GPR17: variants seen among roughly 807,000 people sequenced by gnomAD.
GPR17 encodes the protein G protein-coupled receptor 17.
Under a neutral mutation model 1.5 loss-of-function variants are expected in GPR17, and 4 were observed. The ratio of observed to expected loss-of-function variants is 2.73; its 90% CI spans 1.35 to 6.25. The LOEUF is 6.25. Ranked by LOEUF, GPR17 falls within the 30% of genes most tolerant of loss-of-function variation. The probability of loss-of-function intolerance (pLI) is 0.00; values close to 1 mark genes in which losing one functional copy is unlikely to be tolerated. For missense variants in GPR17, 463 were observed against 462.1 expected, an observed-to-expected ratio of 1.00 and a Z score of -0.02; for synonymous variants, 209 against 207.6, an observed-to-expected ratio of 1.01 and a Z score of -0.06.
In GPR17 at chr2:127,652,062, C is replaced by G; in HGVS notation, c.*307C>G. On this transcript the variant is annotated 3_prime_UTR_variant, in exon 2 of 2. Transcript: ENST00000486700. ...CCTGAACAATGGAGGCCTTTCTTTC[C>G]CGCTAGGCTCCCAGCCTCCTTCCCG... 2.6e-6 allele frequency: 1 copy of G among 378,190 alleles called. No individual in the cohort carries two copies. The highest frequency in any genetic ancestry group is 2.0e-5 in the African/African-American group (1 of 49,482). 23.4% of individuals were successfully genotyped at this position (378,190 alleles called of 1,614,324 possible).
rs148177510 is a variant in GPR17, at chr2:127,650,958, G to A, written c.223G>A (p.Val75Met). 3.5e-4 allele frequency: 560 copies of A among 1,613,886 alleles called. 1 individual carries two copies. Among genetic ancestry groups the A allele is most frequent in the East Asian group, 4.5e-4 (20 of 44,884 alleles). The stretch of plus-strand genomic sequence containing the variant: ...CAACGTGTTCCTGATGCATCTGGCC[G>A]TGGCCGACTTGTCGTGCGTGCTGGT... ...PANVFLMHLA[V>M]ADLSCVLVLP... Residue 75 changes from valine (V) to methionine (M), a missense_variant, in exon 2 of 2, where the codon GTG becomes ATG. Transcript: ENST00000486700.
intron 1 of GPR17, among the ~76,000 whole-genome samples, chr2:127,648,963 AGGG>A (rs1216405916): frequency 3.2e-4 from 4 of 12,514 alleles, no homozygotes; most frequent in Non-Finnish European, 4.3e-4. Context: ...AGGGGAGGGG[AGGG>A]GGGGAGGGGA....
At chr2:127,650,307 C>T in intron 1 of GPR17, 2 of 572,152 alleles carry the variant, frequency 3.5e-6, no homozygotes, top group Non-Finnish European at 6.2e-6. Context: ...CGGAGACACA[C>T]TGCCCCCGCC....
rs542278647 is a variant in GPR17 at position 127,647,728 on chromosome 2, C to T, written c.-21+1484C>T. Among the ~76,000 whole-genome samples, 5 of 152,200 alleles carry T rather than the reference C, an allele frequency of 3.3e-5. No homozygotes were observed. In the East Asian group the frequency reaches 9.7e-4, roughly 30 times the overall value. On this transcript the variant is annotated intron_variant, in intron 1 of 1. Transcript: ENST00000486700. The surrounding 1 kb of genome is among the most constrained non-coding windows in gnomAD (Gnocchi z 4.3). Reference sequence around the variant, plus strand: ...TCCTGCCAACCTGAAAACAGCACACCTGTGTGCCCCTCCCATCTACCATGG... The same window carrying T: ...TCCTGCCAACCTGAAAACAGCACACTTGTGTGCCCCTCCCATCTACCATGG...
At chr2:127,649,151 G>A (rs951919651) in intron 1 of GPR17, among the ~76,000 whole-genome samples, 34 of 143,670 alleles carry the variant, frequency 2.4e-4, no homozygotes, top group African/African-American at 8.4e-4. Flanking sequence ...AGCGAAGTGA[G>A]AGAGAGAGGA....
intron 1 of GPR17, chr2:127,650,133 G>A: frequency 6.7e-7 from 1 of 1,492,678 alleles, no homozygotes. Flanking sequence ...TGCCATCCTG[G>A]GGGCACCCTC....
Position 127,651,846 on chromosome 2 carries a change from G to A in GPR17, c.*91G>A. ...TGCCCTTTCCCCAGCCACCTCCCCA[G>A]CAAGCAACCTGAAATCTCAGCAGAT... On this transcript the variant is annotated 3_prime_UTR_variant, in exon 2 of 2. Coordinates refer to ENST00000486700, the MANE Select transcript of GPR17 (RefSeq NM_001161417.2). 1.7e-6 allele frequency: 2 copies of A among 1,209,338 alleles called. No individual in the cohort carries two copies. Among genetic ancestry groups the A allele is most frequent in the South Asian group, 2.9e-5 (2 of 69,296 alleles). 74.9% of individuals were successfully genotyped at this position (1,209,338 alleles called of 1,614,324 possible). A position where few individuals can be genotyped will look rare whatever the true frequency, so the allele number is the denominator to read the frequency against.
In GPR17 at chr2:127,650,932, C is replaced by T. The variant is rs575567390; in HGVS notation, c.197C>T (p.Ala66Val). Residue 66 changes from alanine to valine, a missense_variant, in exon 2 of 2, where the codon GCC (alanine) becomes GTC (valine). By Grantham distance (64) the Ala-to-Val change is moderately conservative (BLOSUM62 0). Transcript: ENST00000486700. ...CGAGACCACAAGTCCGGGACCCCGG[C>T]CAACGTGTTCCTGATGCATCTGGCC... ...FIRDHKSGTP[A>V]NVFLMHLAVA... 3.1e-6 allele frequency: 5 copies of T among 1,614,036 alleles called. No homozygotes were observed. Among genetic ancestry groups the T allele is most frequent in the South Asian group, 2.2e-5 (2 of 91,090 alleles).
intron 1 of GPR17, among the ~76,000 whole-genome samples, chr2:127,649,238 T>C (rs1001419979): frequency 7.1e-5 from 9 of 126,378 alleles, no homozygotes; most frequent in African/African-American, 2.1e-4. Flanking sequence ...CAGAGTGAAT[T>C]TGCTGCAGGC....
In GPR17 at chr2:127,647,918, C is replaced by A; in HGVS notation, c.-21+1674C>A. 2 of 672,122 alleles carry A rather than the reference C, an allele frequency of 3.0e-6. No homozygotes were observed. The highest frequency in any genetic ancestry group is 3.7e-6 in the Non-Finnish European group (2 of 543,080). The allele number at this position is 672,122 out of a possible 1,614,324, so 41.6% of individuals were successfully genotyped here. A position where few individuals can be genotyped will look rare whatever the true frequency, so the allele number is the denominator to read the frequency against. On this transcript the variant is annotated intron_variant, in intron 1 of 1. Coordinates refer to ENST00000486700, the MANE Select transcript of GPR17 (RefSeq NM_001161417.2). This position sits in a 1 kb window ranked among gnomAD's most constrained non-coding sequence, Gnocchi z 4.3. ...TCCCTGTTCTCCCCTGCCTCACAGG[C>A]CCTGTCAAGGGCTGTGTTCCTCCCT...
intron 1 of GPR17, chr2:127,648,105 C>T (rs114657470): frequency 0.021 from 20,862 of 985,538 alleles, 263 homozygotes; most frequent in Middle Eastern, 0.037. Context: ...AAGTGCCAGC[C>T]GAGACCAGCC....
chr2:127,649,964 T>TA (rs1249723321), intron 1 of GPR17: 1 of 1,498,854 alleles, frequency 6.7e-7, no homozygotes, highest in Non-Finnish European at 9.2e-7. Flanking sequence ...GCTGGCCTGA[T>TA]ACCCAGGCAC....
intron 1 of GPR17, chr2:127,649,988 A>C (rs773911300): frequency 6.3e-7 from 1 of 1,597,442 alleles, no homozygotes; most frequent in Admixed American, 1.7e-5. Context: ...CTTCTCCTAA[A>C]CACAGGTCTC....
At chr2:127,650,535 A>G (rs1477961463) in intron 1 of GPR17, 181 bp from the exon 2 acceptor site, 1 of 588,294 alleles carries the variant, frequency 1.7e-6, no homozygotes, top group Non-Finnish European at 3.0e-6. Context: ...GAAGTTCAGA[A>G]TGCCTCTGAC....
Position 127,651,581 on chromosome 2 carries a change from C to T in GPR17, c.846C>T (p.Thr282=), listed in dbSNP as rs762125947. The change falls in exon 2 of 2, where the codon ACC becomes ACT. Residue 282 remains threonine, a synonymous_variant. Transcript: ENST00000486700. ...TCCTGGCCCTGGCAAACCGCATCAC[C>T]TCCTGCCTCACCAGCCTCAACGGGG... The part of the protein sequence containing the change: ...QRILALANRI[T]SCLTSLNGAL... 1.2e-5 allele frequency: 20 copies of T among 1,613,040 alleles called. No homozygotes were observed. Among genetic ancestry groups the T allele is most frequent in the Admixed American group, 1.7e-5 (1 of 60,038 alleles).
chr2:127,649,904 A>G, intron 1 of GPR17: 1 of 903,664 alleles, frequency 1.1e-6, no homozygotes, highest in Non-Finnish European at 1.7e-6. Context: ...CTCCTGGAAG[A>G]GATGCTGCCC....
intron 1 of GPR17, chr2:127,650,036 G>A: frequency 1.2e-6 from 2 of 1,608,960 alleles, no homozygotes. Flanking sequence ...TTGGTGGGCT[G>A]GATCCAGAAA....
Position 127,651,359 on chromosome 2 carries a change from G to T in GPR17, c.624G>T (p.Thr208=). ...AVAFTFPFIT[T]VTCYLLIIRS... is the part of the protein sequence containing the mutation. ...CCTTCACCTTCCCGTTCATCACCAC[G>T]GTCACCTGCTACCTGCTGATCATCC... Residue 208 remains threonine (T), a synonymous_variant, in exon 2 of 2, where the codon ACG becomes ACT. Coordinates refer to ENST00000486700, the MANE Select transcript of GPR17 (RefSeq NM_001161417.2). 7 of 1,612,282 alleles carry T rather than the reference G, an allele frequency of 4.3e-6. No individual in the cohort carries two copies. The highest frequency in any genetic ancestry group is 5.1e-6 in the Non-Finnish European group (6 of 1,180,036).
In GPR17 at chr2:127,651,167, G is replaced by A. The variant is rs746515695; in HGVS notation, c.432G>A (p.Arg144=). ...VHPVKSLKLR[R]PLYAHLACAF... is the part of the protein sequence containing the mutation. ...CGGTCAAGTCCCTCAAGCTCCGCAG[G>A]CCCCTCTACGCACACCTGGCCTGTG... The change falls in exon 2 of 2, where the codon AGG becomes AGA. Residue 144 remains arginine (R), a synonymous_variant. Transcript: ENST00000486700. The A allele has an allele frequency of 1.9e-6, 3 of 1,612,490 alleles. No individual in the cohort carries two copies. Among genetic ancestry groups the A allele is most frequent in the Non-Finnish European group, 2.5e-6 (3 of 1,179,956 alleles).
Sources: gnomAD v4.1 joint callset for allele counts (sites outside exome capture counted in the v4.1 genomes callset) on GRCh38, gnomAD v4.1.1 for gene constraint, Gnocchi (gnomAD v3.1) non-coding constraint, MANE v1.5 for transcripts, NCBI Gene and HGNC (gene_info 2026-07-23, HGNC 2026-07-21) for gene names.